Variants in VEPH1 observed in about 807,000 individuals in gnomAD.
VEPH1 encodes ventricular zone-expressed PH domain-containing protein homolog 1.
VEPH1 carries 80 observed loss-of-function variants against 85.2 expected under a neutral mutation model. The ratio of observed to expected loss-of-function variants is 0.94; its 90% confidence interval spans 0.78 to 1.13. The LOEUF (loss-of-function observed/expected upper bound fraction) is 1.13, where lower values mean the gene tolerates loss of function less well. Ranked by LOEUF, VEPH1 falls within the 50% of genes most tolerant of loss-of-function variation. VEPH1 has a pLI of 0.00. For synonymous variants in VEPH1, 297 were observed against 348.0 expected (o/e 0.85, Z 1.63); for missense variants, 955 against 980.5 (o/e 0.97, Z 0.35).
intron 4 of VEPH1, among the ~76,000 whole-genome samples, chr3:157,441,725 G>T: frequency 6.6e-6 from 1 of 151,686 alleles, no homozygotes; most frequent in East Asian, 1.9e-4. Context: ...CAGGAGAATC[G>T]CTTGAACCTG....
chr3:157,454,722 A>T (rs753916686), intron 4 of VEPH1, among the ~76,000 whole-genome samples: 1 of 152,082 alleles, frequency 6.6e-6, no homozygotes, highest in African/African-American at 2.4e-5. Context: ...TGAGCACAGT[A>T]CCCAATAAGT....
At chr3:157,414,511 T>C (rs1316898037) in intron 5 of VEPH1, among the ~76,000 whole-genome samples, 1 of 152,104 alleles carries the variant, frequency 6.6e-6, no homozygotes, top group Non-Finnish European at 1.5e-5. Context: ...AGAAATCCAG[T>C]TTAGAAATGT....
chr3:157,317,172 A>G lies in VEPH1; in HGVS notation c.1765T>C (p.Phe589Leu), dbSNP rs377246571. 1.9e-5 allele frequency: 30 copies of G among 1,612,130 alleles called. No homozygotes were observed. The highest frequency in any genetic ancestry group is 2.4e-5 in the Non-Finnish European group (28 of 1,179,132). The change falls in exon 10 of 14, where the codon TTC becomes CTC. Residue 589 changes from phenylalanine to leucine, a missense_variant. Physicochemically the swap from Phe to Leu is conservative, Grantham distance 22 (BLOSUM62 0). Coordinates refer to ENST00000362010, the MANE Select transcript of VEPH1 (RefSeq NM_001167912.2). ...DTVRSCVAKL[F>L]FTCSLKGHYC... ...TGACCCTTCAGGGAGCAGGTGAAGA[A>G]CAACTTTGCTACACAACTTCTCACA...
chr3:157,267,933 C>T (rs77048292), intron 12 of VEPH1, among the ~76,000 whole-genome samples: 1 of 152,184 alleles, frequency 6.6e-6, no homozygotes, highest in African/African-American at 2.4e-5. Flanking sequence ...GAGGTGATGA[C>T]ATTTGATCTG....
At chr3:157,479,541 G>T (rs368336043) in intron 2 of VEPH1, among the ~76,000 whole-genome samples, 4 of 151,518 alleles carry the variant, frequency 2.6e-5, no homozygotes, top group African/African-American at 9.8e-5. Context: ...AAAGCAGTTG[G>T]TGGTGGGAAG....
chr3:157,375,669 C>T (rs1054989373), intron 7 of VEPH1, among the ~76,000 whole-genome samples: 1 of 152,162 alleles, frequency 6.6e-6, no homozygotes, highest in Non-Finnish European at 1.5e-5. Context: ...CCTTCATTCT[C>T]CTGCATGTGC....
chr3:157,385,619 C>A (rs998283718), intron 6 of VEPH1, among the ~76,000 whole-genome samples: 11 of 152,132 alleles, frequency 7.2e-5, no homozygotes, highest in Non-Finnish European at 1.6e-4. Context: ...TAATAGATGA[C>A]ATCTATATTC....
chr3:157,270,591 A>G (rs1169478802), intron 12 of VEPH1, among the ~76,000 whole-genome samples: 1 of 152,192 alleles, frequency 6.6e-6, no homozygotes, highest in Non-Finnish European at 1.5e-5. Context: ...CATGAAGTTG[A>G]TGAGTAAGTA....
rs3086054 is a variant in VEPH1, at chr3:157,389,628, CAGATAGATAGATAGATAGAT to C, written c.907-8272_907-8253del. The stretch of plus-strand genomic sequence containing the variant: ...ATAGGTAAATAGATGGATAGGTAAG[CAGATAGATAGATAGATAGAT>C]AGATAGATAGATAGATAGATAGATA... On this transcript the variant is annotated intron_variant, in intron 6 of 13. Transcript: ENST00000362010. Among the ~76,000 whole-genome samples, 1,383 of 144,150 alleles carry C rather than the reference CAGATAGATAGATAGATAGAT, an allele frequency of 9.6e-3. 10 individuals carry two copies. Among genetic ancestry groups the C allele is most frequent in the African/African-American group, 0.023 (875 of 38,762 alleles). The allele number at this position is 144,150 out of a possible 152,430, so 94.6% of individuals were successfully genotyped here. A position where few individuals can be genotyped will look rare whatever the true frequency, so the allele number is the denominator to read the frequency against.
chr3:157,291,272 A>G (rs1044486974), intron 11 of VEPH1, among the ~76,000 whole-genome samples: 1 of 152,234 alleles, frequency 6.6e-6, no homozygotes, highest in African/African-American at 2.4e-5. Context: ...TTTTCAGTGC[A>G]CATACTCTAA....
At chr3:157,333,776 G>C (rs1050631863) in intron 9 of VEPH1, among the ~76,000 whole-genome samples, 1 of 152,174 alleles carries the variant, frequency 6.6e-6, no homozygotes, top group East Asian at 1.9e-4. Flanking sequence ...ATGCATAACA[G>C]TAACCAGATA....
intron 12 of VEPH1, among the ~76,000 whole-genome samples, chr3:157,282,514 T>C (rs145552595): frequency 6.6e-6 from 1 of 152,348 alleles, no homozygotes; most frequent in Non-Finnish European, 1.5e-5. Flanking sequence ...ATTTTAAATG[T>C]CTAGTGACTA....
chr3:157,471,472 C>T (rs960332215), intron 2 of VEPH1, among the ~76,000 whole-genome samples: 4 of 152,244 alleles, frequency 2.6e-5, no homozygotes, highest in Admixed American at 6.5e-5. Flanking sequence ...AAAGGTTTTA[C>T]GAATGTGAAC....
chr3:157,278,548 A>G (rs1445976811), intron 12 of VEPH1, among the ~76,000 whole-genome samples: 1 of 152,244 alleles, frequency 6.6e-6, no homozygotes, highest in Non-Finnish European at 1.5e-5. Context: ...AAGGGGTGGC[A>G]CAACAGATTT....
Position 157,470,380 on chromosome 3 carries a change from G to A in VEPH1, c.288C>T (p.Pro96=), listed in dbSNP as rs751228313. 2.5e-6 allele frequency: 4 copies of A among 1,614,106 alleles called. No homozygotes were observed. In the East Asian group the frequency reaches 6.7e-5, roughly 27 times the overall value. ...WDSCLEHNLR[P]FGKDEDTPHA... ...GAGGAGTGTCTTCGTCTTTCCCAAA[G>A]GGTCTCAGGTTATGTTCCAAGCAGG... Residue 96 remains proline (P), a synonymous_variant, in exon 3 of 14, where the codon CCC becomes CCT. Transcript: ENST00000362010.
At chr3:157,306,003 A>G (rs1250350190) in intron 11 of VEPH1, among the ~76,000 whole-genome samples, 1 of 152,188 alleles carries the variant, frequency 6.6e-6, no homozygotes, top group Non-Finnish European at 1.5e-5. Flanking sequence ...TGCTCTTTAC[A>G]GACTTTATAT....
At chr3:157,480,363 T>G (rs1038005104) in intron 2 of VEPH1, among the ~76,000 whole-genome samples, 12 of 152,158 alleles carry the variant, frequency 7.9e-5, no homozygotes, top group African/African-American at 2.9e-4. Context: ...GAGTATATTT[T>G]ATGACACTGA....
At chr3:157,311,965 G>A (rs1045169228) in intron 11 of VEPH1, among the ~76,000 whole-genome samples, 2 of 151,996 alleles carry the variant, frequency 1.3e-5, no homozygotes, top group African/African-American at 4.8e-5. Context: ...TGATGCAATC[G>A]TTTCATATGT....
chr3:157,440,628 G>GTATACATACATACATATCCATATGTATA (rs1734043534), intron 4 of VEPH1, among the ~76,000 whole-genome samples: 2 of 151,652 alleles, frequency 1.3e-5, no homozygotes, highest in African/African-American at 2.4e-5. Context: ...ATATATGTAT[G>GTATACATACATACATATCCATATGTATA]TATACATACA....
Sources: gnomAD v4.1 joint callset for allele counts (sites outside exome capture counted in the v4.1 genomes callset) on GRCh38, gnomAD v4.1.1 for gene constraint, MANE v1.5 for transcripts, NCBI Gene and HGNC (gene_info 2026-07-23, HGNC 2026-07-21) for gene names.